Variants in FAF1 observed in about 807,000 individuals in gnomAD.
FAF1 encodes Fas associated factor 1, also known as FAS-associated factor 1.
A neutral mutation model predicts 92.5 loss-of-function variants in FAF1; 25 were observed. The observed-to-expected ratio is 0.27, with a 90% CI of 0.20 to 0.38. FAF1 has a LOEUF of 0.38. FAF1 is among the 10% of genes least tolerant of loss of function. FAF1 has a pLI of 1.00. For synonymous variants in FAF1, 234 were observed against 273.2 expected, an observed-to-expected ratio of 0.86 and a Z score of 1.42; for missense variants, 636 against 793.3, an observed-to-expected ratio of 0.80 and a Z score of 2.38.
At chr1:50,879,862 A>G (rs748178299) in intron 1 of FAF1, among the ~76,000 whole-genome samples, 6 of 152,208 alleles carry the variant, frequency 3.9e-5, no homozygotes, top group Admixed American at 6.5e-5. Flanking sequence ...CACTGCCTTA[A>G]TTGGCTAAGG....
chr1:50,467,689 G>A (rs1183490588), intron 18 of FAF1, among the ~76,000 whole-genome samples: 1 of 152,138 alleles, frequency 6.6e-6, no homozygotes, highest in African/African-American at 2.4e-5. Context: ...GATGGCATAA[G>A]GATTAAGAAC....
intron 1 of FAF1, among the ~76,000 whole-genome samples, chr1:50,943,255 G>A (rs1328247148): frequency 6.6e-6 from 1 of 152,104 alleles, no homozygotes; most frequent in Admixed American, 6.5e-5. Flanking sequence ...AAGACTCCAA[G>A]CAGCAGGATG....
At chr1:50,635,726 T>A (rs1653979124) in intron 8 of FAF1, among the ~76,000 whole-genome samples, 1 of 152,190 alleles carries the variant, frequency 6.6e-6, no homozygotes, top group Admixed American at 6.5e-5. Flanking sequence ...ATTGTATAGA[T>A]GCCATTTAGC....
At chr1:50,475,830 T>C (rs1387572121) in intron 17 of FAF1, 151 bp from the exon 18 acceptor site, 3 of 526,146 alleles carry the variant, frequency 5.7e-6, no homozygotes, top group African/African-American at 1.9e-5. Context: ...GCTTGAACAA[T>C]AGAATAATGT....
intron 13 of FAF1, among the ~76,000 whole-genome samples, chr1:50,550,557 A>C (rs1039477456): frequency 2.6e-5 from 4 of 152,164 alleles, no homozygotes; most frequent in African/African-American, 9.7e-5. Flanking sequence ...AGAGCTGAAT[A>C]GACAGGTTGA....
chr1:50,673,401 C>T (rs768743159), intron 7 of FAF1, among the ~76,000 whole-genome samples: 9 of 152,222 alleles, frequency 5.9e-5, no homozygotes, highest in South Asian at 2.1e-4. Context: ...GCATCCATTC[C>T]GTTGTGCAGC....
rs534903198 is a variant in FAF1, at chr1:50,566,752, C to T, written c.1268+325G>A. On this transcript the variant is annotated intron_variant, in intron 13 of 18. Coordinates refer to ENST00000396153, the MANE Select transcript of FAF1 (RefSeq NM_007051.3). ...AGGATTATATATTAGACTTGTTTTG[C>T]CTTTTCTGAACATCATTAAAAACAT... Among the ~76,000 whole-genome samples, 3 of 152,084 alleles carry T rather than the reference C, an allele frequency of 2.0e-5. No homozygotes were observed. The South Asian group carries it at 6.2e-4, about 32-fold the overall frequency.
intron 1 of FAF1, among the ~76,000 whole-genome samples, chr1:50,866,137 C>T (rs1027445958): frequency 2.0e-5 from 3 of 152,010 alleles, no homozygotes; most frequent in Non-Finnish European, 4.4e-5. Flanking sequence ...AAGCAGTTGA[C>T]AAAATCCAGC....
rs1306512210 is a variant in FAF1, at chr1:50,959,876, T to TGCGACCGTCGCC, written c.-77_-66dup. The TGCGACCGTCGCC allele has an allele frequency of 1.6e-5, 19 of 1,196,444 alleles. No individual in the cohort carries two copies. Among genetic ancestry groups the TGCGACCGTCGCC allele is most frequent in the South Asian group, 2.3e-5 (1 of 43,136 alleles). 74.1% of individuals were successfully genotyped at this position (1,196,444 alleles called of 1,614,324 possible). ...CACCTGGGAGGCAGACGGCACCTCC[T>TGCGACCGTCGCC]GCGACCGTCGCCGCCACCGCCGCCG... On this transcript the variant is annotated 5_prime_UTR_variant, in exon 1 of 19. Coordinates refer to ENST00000396153, the MANE Select transcript of FAF1 (RefSeq NM_007051.3).
In FAF1 at chr1:50,744,793, G is replaced by A. The variant is rs752736635; in HGVS notation, c.368-18C>T. ...AATCTCTCCTGTATAAATAAGAAGA[G>A]ATCAAATATTACTAACAAAATAACA... On this transcript the variant is annotated intron_variant, in intron 4 of 18. Coordinates refer to ENST00000396153, the MANE Select transcript of FAF1 (RefSeq NM_007051.3). 41 of 1,401,214 alleles carry A rather than the reference G, an allele frequency of 2.9e-5. No homozygotes were observed. The highest frequency in any genetic ancestry group is 3.6e-5 in the Non-Finnish European group (36 of 1,003,222). 86.8% of individuals were successfully genotyped at this position (1,401,214 alleles called of 1,614,324 possible).
At chr1:50,809,928 A>G (rs1371003591) in intron 2 of FAF1, among the ~76,000 whole-genome samples, 1 of 152,234 alleles carries the variant, frequency 6.6e-6, no homozygotes, top group Non-Finnish European at 1.5e-5. Flanking sequence ...TTTATGATCA[A>G]GTGGGCCCTG....
intron 4 of FAF1, among the ~76,000 whole-genome samples, chr1:50,776,895 A>G (rs759357139): frequency 1.8e-4 from 28 of 152,136 alleles, no homozygotes; most frequent in Non-Finnish European, 3.7e-4. Flanking sequence ...ATTCTGACCA[A>G]CTGATATTGT....
chr1:50,581,996 T>C (rs551209346), intron 12 of FAF1, among the ~76,000 whole-genome samples: 16 of 143,330 alleles, frequency 1.1e-4, no homozygotes, highest in Admixed American at 4.4e-4. Context: ...CTTCTTCTTA[T>C]AGACTTCAAG....
intron 9 of FAF1, among the ~76,000 whole-genome samples, chr1:50,590,868 G>C (rs894415223): frequency 1.3e-5 from 2 of 152,040 alleles, no homozygotes; most frequent in African/African-American, 4.8e-5. Context: ...TGTAGTCCCA[G>C]CTACTCAGGA....
At chr1:50,893,378 A>G (rs1644734313) in intron 1 of FAF1, among the ~76,000 whole-genome samples, 1 of 152,224 alleles carries the variant, frequency 6.6e-6, no homozygotes, top group African/African-American at 2.4e-5. Context: ...GATCTAAGTC[A>G]TACCTGCATT....
chr1:50,455,001 T>C (rs1000910235), intron 18 of FAF1, among the ~76,000 whole-genome samples: 5 of 152,214 alleles, frequency 3.3e-5, no homozygotes, highest in Non-Finnish European at 5.9e-5. Flanking sequence ...CTCCATGAAT[T>C]CAAAGAAATG....
At chr1:50,514,067 T>C (rs1171499899) in intron 15 of FAF1, among the ~76,000 whole-genome samples, 3 of 152,222 alleles carry the variant, frequency 2.0e-5, no homozygotes, top group South Asian at 2.1e-4. Context: ...GAATGAATTG[T>C]ATGGGAAAAA....
intron 7 of FAF1, among the ~76,000 whole-genome samples, chr1:50,666,624 T>C (rs1309779155): frequency 8.5e-5 from 13 of 152,172 alleles, no homozygotes; most frequent in Admixed American, 8.5e-4. Context: ...GGCTCACGCC[T>C]GTAATCCCAA....
At chr1:50,685,025 C>T (rs899154172) in intron 7 of FAF1, among the ~76,000 whole-genome samples, 3 of 152,012 alleles carry the variant, frequency 2.0e-5, no homozygotes, top group East Asian at 1.9e-4. Flanking sequence ...TCTTCATATA[C>T]GACACAGAAT....
Sources: gnomAD v4.1 joint callset for allele counts (sites outside exome capture counted in the v4.1 genomes callset) on GRCh38, gnomAD v4.1.1 for gene constraint, MANE v1.5 for transcripts, NCBI Gene and HGNC (gene_info 2026-07-23, HGNC 2026-07-21) for gene names.